The following PLCH2 variants were observed in gnomAD, a reference collection of about 807,000 sequenced individuals.
PLCH2 encodes the protein phospholipase C eta 2, also known as 1-phosphatidylinositol 4,5-bisphosphate phosphodiesterase eta-2.
In PLCH2, 98 loss-of-function variants were observed where a neutral mutation model predicts 134.7. The ratio of observed to expected loss-of-function variants is 0.73; its 90% confidence interval spans 0.62 to 0.86. The LOEUF is 0.86. Among genes scored for constraint, PLCH2 ranks in the 40% least tolerant of loss-of-function variants. The pLI, the probability that PLCH2 is intolerant of heterozygous loss-of-function variation, is 0.00. For missense variants in PLCH2, 1,994 were observed against 1,986.6 expected (o/e 1.00, Z -0.07); for synonymous variants, 974 against 827.5 (o/e 1.18, Z -3.04).
chr1:2,487,855 T>G (rs1642369079), intron 8 of PLCH2, 137 bp downstream of exon 8: 1 of 813,650 alleles, frequency 1.2e-6, no homozygotes, highest in African/African-American at 1.7e-5. Flanking sequence ...GGTTTCATTC[T>G]GGCATCTCTG....
Position 2,448,533 on chromosome 1 carries a change from C to A in PLCH2, c.115+17904C>A, listed in dbSNP as rs1640047979. Among the ~76,000 whole-genome samples the A allele has an allele frequency of 6.6e-6, 1 of 152,186 alleles. No individual in the cohort carries two copies. Among genetic ancestry groups the A allele is most frequent in the African/African-American group, 2.4e-5 (1 of 41,424 alleles). Reference sequence around the variant, plus strand: ...GGCGCAGGCCTTTCACTGAGCACGCCCTCAGAGACCCTTTTTCCAAATAAG... The same window carrying A: ...GGCGCAGGCCTTTCACTGAGCACGCACTCAGAGACCCTTTTTCCAAATAAG... On this transcript the variant is annotated intron_variant, in intron 2 of 3. Transcript: ENST00000609981. The surrounding 1 kb of genome is among the most constrained non-coding windows in gnomAD (Gnocchi z 4.0).
At chr1:2,477,402 C>T (rs1447123494) in intron 1 of PLCH2, among the ~76,000 whole-genome samples, 2 of 152,318 alleles carry the variant, frequency 1.3e-5, no homozygotes, top group South Asian at 2.1e-4. Context: ...CTCGTGATCA[C>T]GTAGTAGCTT....
chr1:2,451,240 G>A (rs896712731), intron 2 of PLCH2, among the ~76,000 whole-genome samples: 4 of 152,208 alleles, frequency 2.6e-5, no homozygotes, highest in African/African-American at 7.2e-5. Context: ...TCCCAGCCAA[G>A]GCAGGCGGTG....
chr1:2,489,453 G>A, intron 9 of PLCH2, 75 bp downstream of exon 9: 1 of 1,490,370 alleles, frequency 6.7e-7, no homozygotes, highest in Non-Finnish European at 9.3e-7. Context: ...GCTCCAGACA[G>A]GCAGGGGCAT....
chr1:2,491,728 C>T (rs1023666293), intron 11 of PLCH2, among the ~76,000 whole-genome samples: 1 of 152,332 alleles, frequency 6.6e-6, no homozygotes, highest in Non-Finnish European at 1.5e-5. Flanking sequence ...CCGGGTCCTG[C>T]GGTCACAGAG....
chr1:2,504,662 C>T lies in PLCH2; in HGVS notation c.3700C>T (p.Arg1234Trp), dbSNP rs575485063. 2.1e-4 allele frequency: 342 copies of T among 1,612,552 alleles called. 4 individuals are homozygous for T. In the South Asian group the frequency reaches 3.1e-3, roughly 15 times the overall value. ...LAPRMAGLPF[R>W]PPWGCLSLVG... The stretch of plus-strand genomic sequence containing the variant: ...CCCAAGGATGGCTGGCCTCCCCTTC[C>T]GGCCTCCCTGGGGCTGCCTTTCCCT... The change falls in exon 22 of 22, where the codon CGG becomes TGG. Residue 1234 changes from arginine to tryptophan, a missense_variant. By Grantham distance (101) the Arg-to-Trp change is moderately radical. Around this residue, in one of 2 missense-constraint regions of PLCH2, gnomAD observed 900 missense variants for 752.3 expected, o/e 1.20. Transcript: ENST00000378486.
intron 2 of PLCH2, among the ~76,000 whole-genome samples, chr1:2,445,338 T>A (rs1297129596): frequency 1.3e-5 from 2 of 152,064 alleles, no homozygotes; most frequent in East Asian, 3.9e-4. Flanking sequence ...GGAGGGAGAC[T>A]GGCGCCTGCT....
At chr1:2,465,235 G>A (rs146820126), upstream of PLCH2, among the ~76,000 whole-genome samples, 3,370 of 152,306 alleles carry the variant, frequency 0.022, 81 homozygotes, top group Middle Eastern at 0.031. Context: ...TCCAGCCAGG[G>A]CTCACAGCCA....
chr1:2,490,244 G>A (rs185188157), intron 10 of PLCH2, among the ~76,000 whole-genome samples: 6 of 152,270 alleles, frequency 3.9e-5, no homozygotes, highest in Admixed American at 6.5e-5. Context: ...GGATTTCCCA[G>A]CTTCCCGCCC....
At chr1:2,481,050 A>G (rs973561418) in intron 4 of PLCH2, among the ~76,000 whole-genome samples, 1 of 152,126 alleles carries the variant, frequency 6.6e-6, no homozygotes, top group African/African-American at 2.4e-5. Context: ...GCATAAATAC[A>G]CGCACACACG....
chr1:2,503,520 G>A (rs563400665), intron 21 of PLCH2: 11 of 675,994 alleles, frequency 1.6e-5, no homozygotes, highest in South Asian at 9.4e-5. Context: ...TAGCCTGGAG[G>A]GAGGGACATA....
chr1:2,496,966 G>A lies in PLCH2; in HGVS notation c.2072G>A (p.Ser691Asn), dbSNP rs749388287. ...CCCTCCTCCTACCGTGTGGACTCCA[G>A]CAACTACAACCCGCAGCCCTTCTGG... ...IYPSSYRVDS[S>N]NYNPQPFWNA... The change falls in exon 15 of 22, where the codon AGC becomes AAC. Residue 691 changes from serine to asparagine, a missense_variant. Coordinates refer to ENST00000378486, the MANE Select transcript of PLCH2 (RefSeq NM_014638.4). The A allele has an allele frequency of 3.7e-6, 6 of 1,613,258 alleles. No individual in the cohort carries two copies. Among genetic ancestry groups the A allele is most frequent in the Non-Finnish European group, 5.1e-6 (6 of 1,179,848 alleles).
chr1:2,457,257 C>T (rs1393643940), intron 2 of PLCH2, among the ~76,000 whole-genome samples: 4 of 152,136 alleles, frequency 2.6e-5, no homozygotes, highest in Admixed American at 6.5e-5. Context: ...TGCCTGGCCA[C>T]GCTGGGCTGG....
chr1:2,489,687 C>T, intron 9 of PLCH2, 73 bp from the exon 10 acceptor site: 1 of 1,254,532 alleles, frequency 8.0e-7, no homozygotes, highest in Non-Finnish European at 1.2e-6. Flanking sequence ...GCCGGCGGCT[C>T]TTTGTGGGTG....
chr1:2,418,670 A>G, the PLCH2 span, among the ~76,000 whole-genome samples: 2 of 152,248 alleles, frequency 1.3e-5, no homozygotes. Context: ...AGGCTCCCCA[A>G]GTTCCAGGGG....
At chr1:2,478,446 C>T (rs377583729) in intron 1 of PLCH2, 30 bp from the exon 2 acceptor site, 69 of 1,607,210 alleles carry the variant, frequency 4.3e-5, no homozygotes, top group Admixed American at 3.3e-4. Flanking sequence ...GCTGTGCCTC[C>T]GCTGACAGCC....
chr1:2,479,855 G>C lies in PLCH2; in HGVS notation c.393G>C (p.Glu131Asp), dbSNP rs376411358. 6.2e-7 allele frequency: 1 copy of C among 1,611,162 alleles called. No homozygotes were observed. Among genetic ancestry groups the C allele is most frequent in the Non-Finnish European group, 8.5e-7 (1 of 1,179,336 alleles). ...GCATCTACCACGGCAGCCACCGCGA[G>C]TCGCTGGACCTGGTCTCCACCAGCA... Reference protein sequence around the residue: ...CFSIYHGSHRESLDLVSTSSE... With the variant: ...CFSIYHGSHRDSLDLVSTSSE... The change falls in exon 3 of 22, where the codon GAG becomes GAC. Residue 131 changes from glutamate (E) to aspartate (D), a missense_variant. Coordinates refer to ENST00000378486, the MANE Select transcript of PLCH2 (RefSeq NM_014638.4).
chr1:2,445,920 A>G (rs1639921611), intron 2 of PLCH2, among the ~76,000 whole-genome samples: 1 of 152,234 alleles, frequency 6.6e-6, no homozygotes. Flanking sequence ...GGACCGCTTC[A>G]TTAGCTGCTG....
At chr1:2,501,966 A>G in intron 20 of PLCH2, 146 bp from the exon 21 acceptor site, 1 of 686,112 alleles carries the variant, frequency 1.5e-6, no homozygotes, top group Non-Finnish European at 2.3e-6. Context: ...GTGTGTCCAC[A>G]CACCCCCAGC....
Sources: gnomAD v4.1 joint callset for allele counts (sites outside exome capture counted in the v4.1 genomes callset) on GRCh38, gnomAD v4.1.1 for gene constraint, gnomAD v4.1.1 regional missense constraint, Gnocchi (gnomAD v3.1) non-coding constraint, MANE v1.5 for transcripts, NCBI Gene and HGNC (gene_info 2026-07-23, HGNC 2026-07-21) for gene names.